Variants in CLMN observed in about 807,000 individuals in gnomAD.
The protein encoded by CLMN is calmin.
A neutral mutation model predicts 92.7 loss-of-function variants in CLMN; 57 were observed. That is an observed-to-expected ratio of 0.61 (90% CI 0.50 to 0.77). The LOEUF (loss-of-function observed/expected upper bound fraction) is 0.77, where lower values mean the gene tolerates loss of function less well. Among genes scored for constraint, CLMN ranks in the 30% least tolerant of loss-of-function variants. CLMN has a pLI of 0.00. For synonymous variants in CLMN, 466 were observed against 470.6 expected, an observed-to-expected ratio of 0.99 and a Z score of 0.13; for missense variants, 1,158 against 1,237.5, an observed-to-expected ratio of 0.94 and a Z score of 0.96.
chr14:95,270,759 C>T (rs1176872944), intron 1 of CLMN, among the ~76,000 whole-genome samples: 2 of 152,196 alleles, frequency 1.3e-5, no homozygotes, highest in African/African-American at 2.4e-5. Flanking sequence ...AATAATTCTG[C>T]CATGCTGCTA....
In CLMN at chr14:95,185,557, G is replaced by C. The variant is rs1896421657; in HGVS notation, c.*6007C>G. ...TAAATCTTCCCCAAATGCTGTGTCA[G>C]CAGTGATTATGCAATGTCGGGGAAG... On this transcript the variant is annotated 3_prime_UTR_variant, in exon 13 of 13. Coordinates refer to ENST00000298912, the MANE Select transcript of CLMN (RefSeq NM_024734.4). The C allele has an allele frequency of 6.6e-6, 1 of 152,312 alleles. No homozygotes were observed. The highest frequency in any genetic ancestry group is 1.5e-5 in the Non-Finnish European group (1 of 68,172). 9.4% of individuals were successfully genotyped at this position (152,312 alleles called of 1,614,324 possible).
At position 95,242,626 on chromosome 14, in the gene CLMN, A is replaced by G. The variant is rs532730404; in HGVS notation, c.83-12493T>C. Among the ~76,000 whole-genome samples, 4 of 144,516 alleles carry G rather than the reference A, an allele frequency of 2.8e-5. No homozygotes were observed. In the East Asian group the frequency reaches 8.2e-4, roughly 30 times the overall value. 94.8% of individuals were successfully genotyped at this position (144,516 alleles called of 152,430 possible). On this transcript the variant is annotated intron_variant, in intron 1 of 12. Coordinates refer to ENST00000298912, the MANE Select transcript of CLMN (RefSeq NM_024734.4). ...TGTCGCCAGGCTGGAGTGCAGTGAC[A>G]TGATCTCGGCTCACTGCAACAACAT...
At chr14:95,285,960 C>T (rs910276137) in intron 1 of CLMN, among the ~76,000 whole-genome samples, 1 of 152,238 alleles carries the variant, frequency 6.6e-6, no homozygotes. Flanking sequence ...TATAGGACCA[C>T]ATGGTAAAGT....
rs992377282 is a variant in CLMN, at chr14:95,183,884, C to T, written c.*7680G>A. 6 of 152,136 alleles carry T rather than the reference C, an allele frequency of 3.9e-5. No individual in the cohort carries two copies. The highest frequency in any genetic ancestry group is 8.8e-5 in the Non-Finnish European group (6 of 68,028). The allele number at this position is 152,136 out of a possible 1,614,324, so 9.4% of individuals were successfully genotyped here. On this transcript the variant is annotated 3_prime_UTR_variant, in exon 13 of 13. Transcript: ENST00000298912. The stretch of plus-strand genomic sequence containing the variant: ...TTAGCTTCCTTTCCGAAATAAACAC[C>T]TCCCACGATTGTTCTAAGGGTCAAG...
intron 1 of CLMN, among the ~76,000 whole-genome samples, chr14:95,254,895 A>G (rs1898933610): frequency 6.6e-6 from 1 of 152,136 alleles, no homozygotes; most frequent in Admixed American, 6.5e-5. Flanking sequence ...GGGTCTCGCT[A>G]TGTTGACTAG....
At chr14:95,310,841 C>A (rs1023174495) in intron 1 of CLMN, among the ~76,000 whole-genome samples, 2 of 152,186 alleles carry the variant, frequency 1.3e-5, no homozygotes, top group African/African-American at 2.4e-5. Flanking sequence ...TGGGCAAACC[C>A]GGAAGACACC....
intron 1 of CLMN, among the ~76,000 whole-genome samples, chr14:95,283,909 A>T (rs1175431690): frequency 6.6e-6 from 1 of 152,236 alleles, no homozygotes; most frequent in African/African-American, 2.4e-5. Context: ...AAATTTGCAT[A>T]AGTAGCAAGG....
At chr14:95,264,420 A>G (rs1479252191) in intron 1 of CLMN, among the ~76,000 whole-genome samples, 2 of 152,208 alleles carry the variant, frequency 1.3e-5, no homozygotes, top group Non-Finnish European at 2.9e-5. Context: ...TAGCAGCTGT[A>G]CAACCCTGGG....
At chr14:95,272,184 G>A (rs749976946) in intron 1 of CLMN, among the ~76,000 whole-genome samples, 17 of 152,176 alleles carry the variant, frequency 1.1e-4, no homozygotes, top group Non-Finnish European at 1.6e-4. Flanking sequence ...TGGCAAAACC[G>A]AGGAAGGACA....
In CLMN at chr14:95,213,400, G is replaced by A; in HGVS notation, c.427C>T (p.Leu143Phe). ...NIILFFQIKE[L>F]TGNLSRNSPS... ...GAGTTTCTGCTGAGGTTGCCTGTGAGCTCCTTAATCTGGAAGGAAAATGGC... is the reference window on the plus strand; with the variant it reads ...GAGTTTCTGCTGAGGTTGCCTGTGAACTCCTTAATCTGGAAGGAAAATGGC... The change falls in exon 6 of 13, where the codon CTC becomes TTC. Residue 143 changes from leucine (L) to phenylalanine (F), a missense_variant. By Grantham distance (22) the Leu-to-Phe change is conservative. Transcript: ENST00000298912. 1 of 1,606,282 alleles carries A rather than the reference G, an allele frequency of 6.2e-7. No homozygotes were observed. The highest frequency in any genetic ancestry group is 8.5e-7 in the Non-Finnish European group (1 of 1,177,134).
At chr14:95,310,718 T>C (rs1438550450) in intron 1 of CLMN, among the ~76,000 whole-genome samples, 1 of 152,100 alleles carries the variant, frequency 6.6e-6, no homozygotes, top group African/African-American at 2.4e-5. Context: ...GTGAGTTCTG[T>C]CCAGGAGGGC....
chr14:95,283,414 T>C (rs1024195249), intron 1 of CLMN, among the ~76,000 whole-genome samples: 2 of 152,082 alleles, frequency 1.3e-5, no homozygotes, highest in African/African-American at 2.4e-5. Context: ...TTGGTACCAG[T>C]AGAGTGCAGC....
intron 3 of CLMN, 39 bp from the exon 4 acceptor site, chr14:95,221,813 C>T (rs529654010): frequency 1.3e-5 from 20 of 1,579,084 alleles, no homozygotes; most frequent in South Asian, 2.2e-5. Context: ...ACATTAAACC[C>T]GCACAGGCAC....
At position 95,244,211 on chromosome 14, in the gene CLMN, G is replaced by A. The variant is rs112619610; in HGVS notation, c.83-14078C>T. 3.0e-3 allele frequency among the ~76,000 whole-genome samples: 454 copies of A among 152,194 alleles called. 2 individuals are homozygous for A. Among genetic ancestry groups the A allele is most frequent in the Middle Eastern group, 6.8e-3 (2 of 294 alleles). On this transcript the variant is annotated intron_variant, in intron 1 of 12. Transcript: ENST00000298912. Reference sequence around the variant, plus strand: ...CTCAGGTATTTCTTTACAGTAGTGCGAGAACAGACTAATACAGCTTCTCAT... The same window carrying A: ...CTCAGGTATTTCTTTACAGTAGTGCAAGAACAGACTAATACAGCTTCTCAT...
At chr14:95,193,411 T>TGA (rs1896609939) in intron 12 of CLMN, 1 of 1,530,900 alleles carries the variant, frequency 6.5e-7, no homozygotes, top group Non-Finnish European at 8.7e-7. Context: ...TTCTGAGTAC[T>TGA]GTACCTGCAG....
At chr14:95,285,426 T>C (rs1049316259) in intron 1 of CLMN, among the ~76,000 whole-genome samples, 1 of 151,844 alleles carries the variant, frequency 6.6e-6, no homozygotes, top group Admixed American at 6.6e-5. Flanking sequence ...GAAAGGAGAG[T>C]ATGAAATTTA....
At chr14:95,284,309 C>T (rs1900255870) in intron 1 of CLMN, among the ~76,000 whole-genome samples, 1 of 152,214 alleles carries the variant, frequency 6.6e-6, no homozygotes. Flanking sequence ...GGGCAGGGCC[C>T]TCATGGAAAA....
chr14:95,225,810 C>T (rs74078318), intron 2 of CLMN, among the ~76,000 whole-genome samples: 5 of 152,186 alleles, frequency 3.3e-5, no homozygotes, highest in Non-Finnish European at 7.3e-5. Context: ...GAGCCAGAAG[C>T]CCCCTGGGCT....
intron 1 of CLMN, among the ~76,000 whole-genome samples, chr14:95,232,718 C>T (rs4900261): frequency 0.07 from 10,659 of 152,226 alleles, 460 homozygotes; most frequent in South Asian, 0.14. Flanking sequence ...CAGTGAGTAC[C>T]AGAGTCTTGG....
Sources: gnomAD v4.1 joint callset for allele counts (sites outside exome capture counted in the v4.1 genomes callset) on GRCh38, gnomAD v4.1.1 for gene constraint, MANE v1.5 for transcripts, NCBI Gene and HGNC (gene_info 2026-07-23, HGNC 2026-07-21) for gene names.